DNAH17: variants seen among roughly 807,000 people sequenced by gnomAD.
DNAH17 encodes the protein axonemal beta dynein heavy chain 17.
A neutral mutation model predicts 485.6 loss-of-function variants in DNAH17; 376 were observed. The ratio of observed to expected loss-of-function variants is 0.77; its 90% CI spans 0.71 to 0.84. The LOEUF (loss-of-function observed/expected upper bound fraction) is 0.84. Among genes scored for constraint, DNAH17 ranks in the 40% least tolerant of loss-of-function variants. DNAH17 has a pLI of 0.00. For missense variants in DNAH17, 6,370 were observed against 5,839.3 expected, an observed-to-expected ratio of 1.09 and a Z score of -2.96; for synonymous variants, 3,031 against 2,405.9, an observed-to-expected ratio of 1.26 and a Z score of -7.60.
intron 27 of DNAH17, 149 bp from the exon 28 acceptor site, chr17:78,507,954 C>T (rs1298063228): frequency 7.4e-6 from 5 of 679,730 alleles, no homozygotes; most frequent in Non-Finnish European, 1.2e-5. Flanking sequence ...AAAGGCAGAT[C>T]CAACCCGAAC....
chr17:78,455,337 T>A (rs1220844101), intron 63 of DNAH17, among the ~76,000 whole-genome samples: 1 of 152,028 alleles, frequency 6.6e-6, no homozygotes, highest in Non-Finnish European at 1.5e-5. Flanking sequence ...TCCATTTTTT[T>A]TTTTTTAAGA....
At chr17:78,542,242 G>A (rs932058726) in intron 17 of DNAH17, among the ~76,000 whole-genome samples, 2 of 151,052 alleles carry the variant, frequency 1.3e-5, no homozygotes, top group Non-Finnish European at 2.9e-5. Context: ...CCGCCTCCCA[G>A]GTTCAAGCAA....
intron 64 of DNAH17, among the ~76,000 whole-genome samples, chr17:78,454,017 C>T (rs1261953503): frequency 6.6e-6 from 1 of 152,152 alleles, no homozygotes; most frequent in Non-Finnish European, 1.5e-5. Flanking sequence ...CTGGAAGCAG[C>T]TTTGAGTAGC....
rs923094435 is a variant in DNAH17 at position 78,486,278 on chromosome 17, C to A, written c.7047G>T (p.Leu2349=). ...PPDSPRELYE[L]YFVFTCFWAF... is the part of the protein sequence containing the mutation. ...CCCAGAAGCAGGTGAACACGAAGTA[C>A]AGCTCGTACAGCTCCCTGGGGGAGT... Residue 2349 remains leucine, a synonymous_variant, in exon 45 of 81, where the codon CTG becomes CTT. Coordinates refer to ENST00000389840, the MANE Select transcript of DNAH17 (RefSeq NM_173628.4). 6.1e-5 allele frequency: 98 copies of A among 1,607,496 alleles called. No individual in the cohort carries two copies. The highest frequency in any genetic ancestry group is 7.5e-5 in the Non-Finnish European group (88 of 1,175,202).
chr17:78,445,735 C>T, intron 69 of DNAH17, 55 bp from the exon 70 acceptor site: 1 of 1,559,134 alleles, frequency 6.4e-7, no homozygotes, highest in Non-Finnish European at 8.7e-7. Context: ...CGTCAGCAGC[C>T]CTGAAGATGC....
rs761718946 is a variant in DNAH17, at chr17:78,530,512, T to C, written c.3115A>G (p.Ile1039Val). 3.1e-6 allele frequency: 5 copies of C among 1,602,054 alleles called. No homozygotes were observed. In the African/African-American group the frequency reaches 4.0e-5, roughly 13 times the overall value. The change falls in exon 21 of 81, where the codon ATC becomes GTC. Residue 1039 changes from isoleucine (I) to valine (V), a missense_variant and splice_region_variant. Coordinates refer to ENST00000389840, the MANE Select transcript of DNAH17 (RefSeq NM_173628.4). Reference sequence around the variant, plus strand: ...TCATACAGCTTCTCGTAGGAGTCGATCTGGAAAACACGGCCACCGGCGGCC... The same window carrying C: ...TCATACAGCTTCTCGTAGGAGTCGACCTGGAAAACACGGCCACCGGCGGCC... Reference protein sequence around the residue: ...PPTLAQFQEQIDSYEKLYEEV... With the variant: ...PPTLAQFQEQVDSYEKLYEEV...
In DNAH17 at chr17:78,571,039, C is replaced by A; in HGVS notation, c.833-6G>T. The A allele has an allele frequency of 6.4e-7, 1 of 1,565,738 alleles. No homozygotes were observed. The highest frequency in any genetic ancestry group is 2.4e-5 in the East Asian group (1 of 42,250). ...GTCGTTGGCTTCCTTCAGCCCTGCA[C>A]GGAACAAGAACAAGTGCCCACCGGT... On this transcript the variant is annotated splice_polypyrimidine_tract_variant and splice_region_variant and intron_variant, in intron 5 of 80. Coordinates refer to ENST00000389840, the MANE Select transcript of DNAH17 (RefSeq NM_173628.4).
intron 10 of DNAH17, 96 bp from the exon 11 acceptor site, chr17:78,566,826 T>C: frequency 7.6e-7 from 1 of 1,312,254 alleles, no homozygotes; most frequent in Non-Finnish European, 1.1e-6. Flanking sequence ...GACTCGGGAC[T>C]GAGGCGCAGC....
At chr17:78,442,878 G>C (rs925186800) in intron 71 of DNAH17, among the ~76,000 whole-genome samples, 1 of 152,216 alleles carries the variant, frequency 6.6e-6, no homozygotes, top group African/African-American at 2.4e-5. Context: ...GTCAGTGCTT[G>C]CAACAGTGCC....
intron 74 of DNAH17, 96 bp downstream of exon 74, chr17:78,437,545 G>T: frequency 2.2e-6 from 2 of 894,768 alleles, no homozygotes; most frequent in African/African-American, 1.7e-5. Flanking sequence ...TGTCCCCAGA[G>T]TTCAGAGCGG....
intron 20 of DNAH17, among the ~76,000 whole-genome samples, chr17:78,531,441 C>G (rs961965728): frequency 2.6e-5 from 4 of 151,118 alleles, no homozygotes; most frequent in Non-Finnish European, 5.9e-5. Context: ...TGGGTTCACA[C>G]CATTCTCTTG....
intron 69 of DNAH17, among the ~76,000 whole-genome samples, chr17:78,446,260 C>T (rs895186591): frequency 2.5e-4 from 36 of 145,712 alleles, no homozygotes; most frequent in African/African-American, 8.9e-4. Context: ...TTCGCAGCAT[C>T]GTGCAACCAT....
At chr17:78,499,238 A>G (rs2090185987) in intron 36 of DNAH17, 126 bp from the exon 37 acceptor site, 1 of 637,360 alleles carries the variant, frequency 1.6e-6, no homozygotes, top group Non-Finnish European at 2.6e-6. Flanking sequence ...GCCCCGGTGC[A>G]TTGGAGCCTT....
intron 48 of DNAH17, among the ~76,000 whole-genome samples, chr17:78,484,317 G>A (rs1424353474): frequency 6.6e-6 from 1 of 151,758 alleles, no homozygotes; most frequent in Non-Finnish European, 1.5e-5. Context: ...GCTTCTTCAC[G>A]TGTGGCAGGG....
intron 58 of DNAH17, 89 bp from the exon 59 acceptor site, chr17:78,460,346 A>G: frequency 1.0e-6 from 1 of 977,402 alleles, no homozygotes; most frequent in Non-Finnish European, 1.5e-6. Flanking sequence ...ATGTGTGTGC[A>G]TGTGTGTGCA....
At chr17:78,574,403 T>A (rs79280688) in intron 2 of DNAH17, among the ~76,000 whole-genome samples, 1,953 of 152,022 alleles carry the variant, frequency 0.013, 17 homozygotes, top group South Asian at 0.04. Flanking sequence ...CTCAGGAGGC[T>A]GAGGCTGGAG....
chr17:78,550,601 ATAAC>A (rs2091880961), intron 16 of DNAH17, among the ~76,000 whole-genome samples: 1 of 152,216 alleles, frequency 6.6e-6, no homozygotes, highest in South Asian at 2.1e-4. Context: ...GACAGCATCT[ATAAC>A]TAACCAGAGA....
intron 19 of DNAH17, among the ~76,000 whole-genome samples, chr17:78,533,716 G>A (rs534543773): frequency 3.9e-5 from 6 of 152,084 alleles, no homozygotes; most frequent in African/African-American, 9.6e-5. Flanking sequence ...ACAGAGTTTC[G>A]GTCTGTCACC....
Position 78,475,720 on chromosome 17 carries a change from G to A in DNAH17, c.8268C>T (p.Leu2756=). The change falls in exon 53 of 81, where the codon CTC becomes CTT. Residue 2756 remains leucine (L), a synonymous_variant. Transcript: ENST00000389840. ...PVTDMAPLNK[L]LVDVLDSYNE... is the part of the protein sequence containing the mutation. ...TGTAGCTGTCCAGGACGTCCACGAG[G>A]AGCTTGTTCAGAGGAGCCATGTCGG... is the stretch of plus-strand genomic sequence containing the variant. 1.2e-6 allele frequency: 2 copies of A among 1,613,836 alleles called. No homozygotes were observed. Among genetic ancestry groups the A allele is most frequent in the African/African-American group, 2.7e-5 (2 of 75,004 alleles).
Sources: allele counts gnomAD v4.1 joint callset (sites outside exome capture counted in the v4.1 genomes callset), GRCh38; gene constraint gnomAD v4.1.1; transcripts MANE v1.5; gene names NCBI Gene and HGNC (gene_info 2026-07-23, HGNC 2026-07-21).